Variants in TBC1D5 observed in about 807,000 individuals in gnomAD.
TBC1D5 encodes the protein TBC1 domain family member 5, also known as TBC1 domain family, member 5.
In TBC1D5, 75 loss-of-function variants were observed where a neutral mutation model predicts 100.3. That is an observed-to-expected ratio of 0.75 (90% CI 0.62 to 0.91). TBC1D5 has a LOEUF of 0.91. TBC1D5 is among the 40% of genes least tolerant of loss of function. The probability of loss-of-function intolerance (pLI) is 0.00; values close to 1 mark genes in which losing one functional copy is unlikely to be tolerated. For synonymous variants in TBC1D5, 323 were observed against 325.6 expected (o/e 0.99, Z 0.09); for missense variants, 910 against 942.4 (o/e 0.97, Z 0.45).
exon 22 of TBC1D5, chr3:17,159,767 G>C (rs530508256): frequency 1.3e-5 from 2 of 152,426 alleles, no homozygotes; most frequent in South Asian, 4.2e-4. Context: ...CCCAGGATAC[G>C]GGGTTCACAG....
chr3:17,333,205 C>G (rs1240001082), intron 13 of TBC1D5: 1 of 152,172 alleles, frequency 6.6e-6, no homozygotes, highest in African/African-American at 2.4e-5. Context: ...CTTTAGGGTT[C>G]AAAACAAAGC....
At chr3:17,727,721 A>G (rs2076238546) in intron 1 of TBC1D5, among the ~76,000 whole-genome samples, 1 of 152,224 alleles carries the variant, frequency 6.6e-6, no homozygotes, top group Admixed American at 6.5e-5. Context: ...CCAGGCCTAC[A>G]CAAATAGGTG....
chr3:17,365,479 C>T (rs545063285), intron 13 of TBC1D5, among the ~76,000 whole-genome samples: 1 of 152,256 alleles, frequency 6.6e-6, no homozygotes, highest in South Asian at 2.1e-4. Context: ...AATTTTTTAT[C>T]CAGTAGTCTG....
chr3:17,741,216 T>C (rs2077402308), upstream of TBC1D5, among the ~76,000 whole-genome samples: 1 of 152,248 alleles, frequency 6.6e-6, no homozygotes, highest in South Asian at 2.1e-4. Flanking sequence ...GAAAATGCAT[T>C]TTTAATAAGA....
chr3:17,267,909 C>A (rs2079008530), intron 15 of TBC1D5, among the ~76,000 whole-genome samples: 1 of 152,056 alleles, frequency 6.6e-6, no homozygotes, highest in Non-Finnish European at 1.5e-5. Context: ...CCCATTCTTA[C>A]CAAGGTCATT....
chr3:17,352,148 A>G (rs1158290157), intron 13 of TBC1D5, among the ~76,000 whole-genome samples: 1 of 152,122 alleles, frequency 6.6e-6, no homozygotes, highest in African/African-American at 2.4e-5. Flanking sequence ...CTACTGATTA[A>G]TGCAGAGCAT....
At chr3:17,738,382 TACACAC>T (rs532604198) in intron 1 of TBC1D5, among the ~76,000 whole-genome samples, 1 of 150,606 alleles carries the variant, frequency 6.6e-6, no homozygotes, top group Non-Finnish European at 1.5e-5. Flanking sequence ...CACTCACACA[TACACAC>T]ACACACACAC....
intron 8 of TBC1D5, among the ~76,000 whole-genome samples, chr3:17,402,213 T>C (rs992598549): frequency 2.6e-5 from 4 of 152,156 alleles, no homozygotes; most frequent in African/African-American, 9.7e-5. Flanking sequence ...CATCTTATTA[T>C]TCAGTATTTA....
chr3:17,549,566 A>G (rs1425183364), intron 2 of TBC1D5, among the ~76,000 whole-genome samples: 1 of 152,194 alleles, frequency 6.6e-6, no homozygotes, highest in Non-Finnish European at 1.5e-5. Context: ...AAAGTTGCAA[A>G]AGTCATACTA....
chr3:17,601,860 C>A (rs868109701), intron 2 of TBC1D5, among the ~76,000 whole-genome samples: 5 of 152,026 alleles, frequency 3.3e-5, no homozygotes, highest in South Asian at 2.1e-4. Context: ...GACCGAGTCT[C>A]GCTCTGTTGC....
intron 3 of TBC1D5, among the ~76,000 whole-genome samples, chr3:17,483,621 A>G (rs2095525464): frequency 6.6e-6 from 1 of 152,220 alleles, no homozygotes; most frequent in Non-Finnish European, 1.5e-5. Context: ...AAAACTCACA[A>G]TTGAACTGTA....
chr3:17,511,612 A>G (rs1251235771), intron 2 of TBC1D5, among the ~76,000 whole-genome samples: 1 of 152,036 alleles, frequency 6.6e-6, no homozygotes, highest in Non-Finnish European at 1.5e-5. Flanking sequence ...ACGTTCATTT[A>G]AGGTGCTAAA....
intron 13 of TBC1D5, among the ~76,000 whole-genome samples, chr3:17,318,745 C>T (rs2085008618): frequency 6.6e-6 from 1 of 152,126 alleles, no homozygotes; most frequent in African/African-American, 2.4e-5. Context: ...TTTTTAAAAT[C>T]GCCTCTCCAC....
intron 19 of TBC1D5, among the ~76,000 whole-genome samples, chr3:17,179,744 A>G (rs1043440888): frequency 6.6e-6 from 1 of 152,204 alleles, no homozygotes; most frequent in Non-Finnish European, 1.5e-5. Context: ...GAAGCATGGG[A>G]AATCAAATTT....
intron 3 of TBC1D5, among the ~76,000 whole-genome samples, chr3:17,491,490 T>C (rs2095639370): frequency 6.6e-6 from 1 of 152,216 alleles, no homozygotes; most frequent in Admixed American, 6.5e-5. Flanking sequence ...GTTCCTTCAA[T>C]GTCTAGTTGA....
chr3:17,670,580 G>A (rs1162353652), intron 1 of TBC1D5, among the ~76,000 whole-genome samples: 6 of 152,162 alleles, frequency 3.9e-5, no homozygotes, highest in Admixed American at 3.9e-4. Flanking sequence ...GTCTGGTCAA[G>A]CAGCAACAGT....
intron 3 of TBC1D5, among the ~76,000 whole-genome samples, chr3:17,491,629 A>C (rs2095641155): frequency 6.6e-6 from 1 of 152,164 alleles, no homozygotes; most frequent in African/African-American, 2.4e-5. Flanking sequence ...CATATGCTGA[A>C]CCAGCCTTGC....
intron 15 of TBC1D5, among the ~76,000 whole-genome samples, chr3:17,260,697 G>A (rs573122017): frequency 1.3e-4 from 20 of 152,194 alleles, no homozygotes; most frequent in Non-Finnish European, 2.2e-4. Context: ...ACATATAGAT[G>A]GATCTAGACC....
chr3:17,706,220 G>A, intron 1 of TBC1D5: 11 of 1,549,750 alleles, frequency 7.1e-6, no homozygotes, highest in Non-Finnish European at 9.6e-6. Flanking sequence ...GGCCCAGGCT[G>A]TGGAGGCGGC....
Sources: gnomAD v4.1 joint callset for allele counts (sites outside exome capture counted in the v4.1 genomes callset) on GRCh38, gnomAD v4.1.1 for gene constraint, MANE v1.5 for transcripts, NCBI Gene and HGNC (gene_info 2026-07-23, HGNC 2026-07-21) for gene names.